Variants in GMDS observed in about 807,000 individuals in gnomAD.
GMDS encodes GDP-mannose 4,6 dehydratase.
A neutral mutation model predicts 49.9 loss-of-function variants in GMDS; 20 were observed. That is an observed-to-expected ratio of 0.40 (90% CI 0.28 to 0.58). The LOEUF (loss-of-function observed/expected upper bound fraction) is 0.58. GMDS is among the 20% of genes least tolerant of loss of function. The pLI is 0.42. For missense variants in GMDS, 362 were observed against 481.4 expected, an observed-to-expected ratio of 0.75 and a Z score of 2.32; for synonymous variants, 177 against 178.6, an observed-to-expected ratio of 0.99 and a Z score of 0.07.
chr6:1,937,210 C>T (rs1464525507), intron 6 of GMDS, among the ~76,000 whole-genome samples: 1 of 152,154 alleles, frequency 6.6e-6, no homozygotes, highest in Non-Finnish European at 1.5e-5. Context: ...CACAATGACA[C>T]TGCCTAATGA....
chr6:1,882,401 G>A (rs1338338089), intron 7 of GMDS, among the ~76,000 whole-genome samples: 1 of 152,160 alleles, frequency 6.6e-6, no homozygotes. Flanking sequence ...GTGTACATAA[G>A]TACAACTGTA....
chr6:1,729,978 T>C (rs3823261), intron 8 of GMDS, among the ~76,000 whole-genome samples: 40,595 of 149,220 alleles, frequency 0.27, 5,679 homozygotes, highest in East Asian at 0.4. Flanking sequence ...AGACCTAAGT[T>C]GGTGGGGGCG....
At chr6:2,078,639 C>T (rs1334184374) in intron 4 of GMDS, among the ~76,000 whole-genome samples, 2 of 151,954 alleles carry the variant, frequency 1.3e-5, no homozygotes, top group Non-Finnish European at 2.9e-5. Flanking sequence ...TTGATATGAT[C>T]TTGCGTTTTA....
At chr6:1,802,839 C>T (rs1770004926) in intron 7 of GMDS, among the ~76,000 whole-genome samples, 1 of 152,214 alleles carries the variant, frequency 6.6e-6, no homozygotes, top group African/African-American at 2.4e-5. Flanking sequence ...TATTTCCTGT[C>T]TGTACTGAAG....
At chr6:2,175,389 T>G (rs1778229629) in intron 1 of GMDS, among the ~76,000 whole-genome samples, 1 of 152,222 alleles carries the variant, frequency 6.6e-6, no homozygotes, top group Admixed American at 6.5e-5. Context: ...GAGGAAATTC[T>G]TTTCCAAGAA....
chr6:1,945,672 G>A (rs1258231181), intron 6 of GMDS, among the ~76,000 whole-genome samples: 2 of 152,098 alleles, frequency 1.3e-5, no homozygotes, highest in Non-Finnish European at 2.9e-5. Context: ...CCACTCGGGA[G>A]GCTGAGGCAG....
At chr6:1,683,658 A>G (rs1246656720) in intron 9 of GMDS, among the ~76,000 whole-genome samples, 2 of 152,164 alleles carry the variant, frequency 1.3e-5, no homozygotes, top group African/African-American at 2.4e-5. Context: ...CATTTGGGGG[A>G]AAAACCTTTA....
intron 1 of GMDS, among the ~76,000 whole-genome samples, chr6:2,185,849 T>C (rs1238957491): frequency 2.0e-5 from 3 of 152,124 alleles, no homozygotes; most frequent in African/African-American, 7.2e-5. Context: ...CACCCTGAGT[T>C]TCTAGAATAT....
chr6:1,821,483 G>A (rs1009874595), intron 7 of GMDS, among the ~76,000 whole-genome samples: 1 of 152,052 alleles, frequency 6.6e-6, no homozygotes, highest in Non-Finnish European at 1.5e-5. Context: ...TAATAAAAAT[G>A]CAGTTTATAT....
chr6:1,833,595 G>A lies in GMDS; in HGVS notation c.772-91009C>T. ...TAATTAAATTGTAAATTACTTGAGA[G>A]AGAAATGTTTAGACTCATGACAAGT... On this transcript the variant is annotated intron_variant, in intron 7 of 10. Transcript: ENST00000380815. This position sits in a 1 kb window ranked among gnomAD's most constrained non-coding sequence, Gnocchi z 4.4. Among the ~76,000 whole-genome samples, 1 of 151,960 alleles carries A rather than the reference G, an allele frequency of 6.6e-6. No homozygotes were observed. Among genetic ancestry groups the A allele is most frequent in the East Asian group, 1.9e-4 (1 of 5,190 alleles).
At chr6:1,749,991 T>C (rs1383227169) in intron 7 of GMDS, among the ~76,000 whole-genome samples, 4 of 152,136 alleles carry the variant, frequency 2.6e-5, no homozygotes, top group African/African-American at 7.2e-5. Flanking sequence ...ATCACCACAC[T>C]TGGCTAATGC....
chr6:1,904,539 A>G (rs996809425), intron 7 of GMDS, among the ~76,000 whole-genome samples: 6 of 152,228 alleles, frequency 3.9e-5, no homozygotes, highest in Non-Finnish European at 8.8e-5. Flanking sequence ...GGGTCAGTCC[A>G]TTTAACGAAC....
rs368309845 is a variant in GMDS at position 1,808,285 on chromosome 6, C to T, written c.772-65699G>A. Reference sequence around the variant, plus strand: ...GGAAAATTGGGGGCTCTTAGCTTTTCCTTATGATGAGGCTTGGCTAAGTTA... The same window carrying T: ...GGAAAATTGGGGGCTCTTAGCTTTTTCTTATGATGAGGCTTGGCTAAGTTA... On this transcript the variant is annotated intron_variant, in intron 7 of 10. Coordinates refer to ENST00000380815, the MANE Select transcript of GMDS (RefSeq NM_001500.4). 5.1e-4 allele frequency among the ~76,000 whole-genome samples: 77 copies of T among 152,232 alleles called. 2 individuals carry two copies. The South Asian group carries it at 0.016, about 31-fold the overall frequency.
chr6:1,801,831 C>T lies in GMDS; in HGVS notation c.772-59245G>A, dbSNP rs185504754. Among the ~76,000 whole-genome samples the T allele has an allele frequency of 4.1e-3, 626 of 152,360 alleles. 1 individual carries two copies. The highest frequency in any genetic ancestry group is 7.0e-3 in the Non-Finnish European group (477 of 68,040). On this transcript the variant is annotated intron_variant, in intron 7 of 10. Transcript: ENST00000380815. The stretch of plus-strand genomic sequence containing the variant: ...TTGCTATACTGTTCAACTTTATCAG[C>T]TTTCATGAGGGGACAAAGAAGAACC...
At chr6:1,662,661 T>C (rs964790383) in intron 9 of GMDS, among the ~76,000 whole-genome samples, 1 of 152,334 alleles carries the variant, frequency 6.6e-6, no homozygotes, top group East Asian at 1.9e-4. Context: ...AGCTGCTTTA[T>C]GTTGATGTAT....
chr6:1,709,893 G>A (rs956340589), intron 9 of GMDS, among the ~76,000 whole-genome samples: 4 of 152,164 alleles, frequency 2.6e-5, no homozygotes, highest in African/African-American at 4.8e-5. Flanking sequence ...TGCCTAACTC[G>A]ACTGAGGCAG....
intron 4 of GMDS, among the ~76,000 whole-genome samples, chr6:2,097,415 G>C (rs1208914276): frequency 1.3e-5 from 2 of 152,138 alleles, no homozygotes; most frequent in East Asian, 1.9e-4. Context: ...AAGAGAAAGA[G>C]GGTGCAGCTT....
chr6:2,079,013 C>CT (rs1562035149), intron 4 of GMDS, among the ~76,000 whole-genome samples: 1 of 82,124 alleles, frequency 1.2e-5, no homozygotes. Flanking sequence ...TGCATAATGA[C>CT]CTTGTCTTTT....
chr6:1,700,589 G>A (rs546139636), intron 9 of GMDS, among the ~76,000 whole-genome samples: 13 of 152,192 alleles, frequency 8.5e-5, no homozygotes, highest in Non-Finnish European at 1.5e-4. Context: ...ATTCTAGTGG[G>A]CACAGCTAAA....
Sources: allele counts gnomAD v4.1 joint callset (sites outside exome capture counted in the v4.1 genomes callset), GRCh38; gene constraint gnomAD v4.1.1; non-coding constraint Gnocchi (gnomAD v3.1); transcripts MANE v1.5; gene names NCBI Gene and HGNC (gene_info 2026-07-23, HGNC 2026-07-21).